KIAA1549: variants seen among roughly 807,000 people sequenced by gnomAD.
KIAA1549 encodes the protein KIAA1549.
Under a neutral mutation model 156.4 loss-of-function variants are expected in KIAA1549, and 70 were observed. The ratio of observed to expected loss-of-function variants is 0.45; its 90% CI spans 0.37 to 0.55. KIAA1549 has a LOEUF of 0.55. Ranked by LOEUF, KIAA1549 falls within the 20% of genes least tolerant of loss-of-function variation. The probability of loss-of-function intolerance (pLI) is 0.00; values close to 1 mark genes in which losing one functional copy is unlikely to be tolerated. For missense variants in KIAA1549, 2,428 were observed against 2,540.9 expected (o/e 0.96, Z 0.96); for synonymous variants, 1,103 against 1,066.4 (o/e 1.03, Z -0.67).
chr7:138,837,168 C>T lies in KIAA1549; in HGVS notation c.*738G>A, dbSNP rs1003304377. The T allele has an allele frequency of 8.9e-5, 20 of 225,836 alleles. No homozygotes were observed. Among genetic ancestry groups the T allele is most frequent in the Admixed American group, 2.3e-4 (4 of 17,500 alleles). The allele number at this position is 225,836 out of a possible 1,614,324, so 14.0% of individuals were successfully genotyped here. On this transcript the variant is annotated 3_prime_UTR_variant, in exon 20 of 20. Transcript: ENST00000422774. Reference sequence around the variant, plus strand: ...CAAATAAATATAAAGCTTTTTGCCCCACTTTGGGAGGGATTTTTTTTTTCT... The same window carrying T: ...CAAATAAATATAAAGCTTTTTGCCCTACTTTGGGAGGGATTTTTTTTTTCT...
At chr7:138,846,586 T>G (rs1810082607) in intron 17 of KIAA1549, among the ~76,000 whole-genome samples, 1 of 150,426 alleles carries the variant, frequency 6.6e-6, no homozygotes, top group African/African-American at 2.4e-5. Flanking sequence ...CACCCACCAT[T>G]GCTTTTGCAC....
chr7:138,893,943 C>G (rs1321115792), intron 10 of KIAA1549, among the ~76,000 whole-genome samples: 1 of 152,280 alleles, frequency 6.6e-6, no homozygotes, highest in Non-Finnish European at 1.5e-5. Context: ...TGGTGGCACA[C>G]GCCTGTAATC....
Position 138,837,709 on chromosome 7 carries a change from G to T in KIAA1549, c.*197C>A. ...TATTTCAACTGAACCCAAGTGTTCA[G>T]ACAATTGCCAGCCCAGTGAAAGGCT... On this transcript the variant is annotated 3_prime_UTR_variant, in exon 20 of 20. Coordinates refer to ENST00000422774, the MANE Select transcript of KIAA1549 (RefSeq NM_001164665.2). 1.6e-6 allele frequency: 1 copy of T among 618,302 alleles called. No individual in the cohort carries two copies. Among genetic ancestry groups the T allele is most frequent in the Non-Finnish European group, 2.8e-6 (1 of 359,672 alleles). 38.3% of individuals were successfully genotyped at this position (618,302 alleles called of 1,614,324 possible). A position where few individuals can be genotyped will look rare whatever the true frequency, so the allele number is the denominator to read the frequency against.
At chr7:138,948,282 G>C (rs1292621628) in intron 1 of KIAA1549, among the ~76,000 whole-genome samples, 1 of 152,194 alleles carries the variant, frequency 6.6e-6, no homozygotes, top group East Asian at 1.9e-4. Flanking sequence ...CGGACACAGA[G>C]ACAGACACAC....
chr7:138,859,271 A>G (rs1810486034), intron 16 of KIAA1549, among the ~76,000 whole-genome samples: 1 of 151,954 alleles, frequency 6.6e-6, no homozygotes, highest in Non-Finnish European at 1.5e-5. Flanking sequence ...CTACCCTTCC[A>G]GCCTCATTTA....
At chr7:138,949,459 T>TG (rs1282283991) in intron 1 of KIAA1549, among the ~76,000 whole-genome samples, 2 of 152,174 alleles carry the variant, frequency 1.3e-5, no homozygotes, top group African/African-American at 4.8e-5. Flanking sequence ...CAGTATTTTT[T>TG]TAAAGTAAAT....
chr7:138,897,529 T>C (rs1294671249), intron 9 of KIAA1549, among the ~76,000 whole-genome samples: 1 of 152,174 alleles, frequency 6.6e-6, no homozygotes, highest in East Asian at 1.9e-4. Flanking sequence ...AACATTTACC[T>C]CTCCTTTTAT....
Position 138,833,650 on chromosome 7 carries a change from T to C in KIAA1549, c.*4256A>G. ...GGTAGCAGTAAAGAAGCTGAATATA[T>C]ATATAGATAGATAGACAGATACATA... is the stretch of plus-strand genomic sequence containing the variant. On this transcript the variant is annotated 3_prime_UTR_variant, in exon 20 of 20. Transcript: ENST00000422774. 1 of 231,696 alleles carries C rather than the reference T, an allele frequency of 4.3e-6. No homozygotes were observed. The highest frequency in any genetic ancestry group is 8.5e-6 in the Non-Finnish European group (1 of 117,670). 14.4% of individuals were successfully genotyped at this position (231,696 alleles called of 1,614,324 possible).
intron 1 of KIAA1549, among the ~76,000 whole-genome samples, chr7:138,955,455 A>C (rs677614): frequency 0.43 from 64,956 of 152,008 alleles, 17,250 homozygotes; most frequent in African/African-American, 0.76. Flanking sequence ...AGAAGGGTGG[A>C]TGCCAGGGGA....
In KIAA1549 at chr7:138,831,934, G is replaced by C. The variant is rs1348269141; in HGVS notation, c.*5972C>G. 2 of 232,952 alleles carry C rather than the reference G, an allele frequency of 8.6e-6. No individual in the cohort carries two copies. The highest frequency in any genetic ancestry group is 1.7e-5 in the Non-Finnish European group (2 of 117,940). The allele number at this position is 232,952 out of a possible 1,614,324, so 14.4% of individuals were successfully genotyped here. A position where few individuals can be genotyped will look rare whatever the true frequency, so the allele number is the denominator to read the frequency against. Reference sequence around the variant, plus strand: ...TAGAGCAACTGAATGAATGGGTGGAGCCTCAGTTCCTCTAGTATCTCCCTC... The same window carrying C: ...TAGAGCAACTGAATGAATGGGTGGACCCTCAGTTCCTCTAGTATCTCCCTC... On this transcript the variant is annotated 3_prime_UTR_variant, in exon 20 of 20. Coordinates refer to ENST00000422774, the MANE Select transcript of KIAA1549 (RefSeq NM_001164665.2).
At position 138,871,325 on chromosome 7, in the gene KIAA1549, T is replaced by G. The variant is rs762749887; in HGVS notation, c.4383A>C (p.Ser1461=). The change falls in exon 13 of 20, where the codon TCA becomes TCC. Residue 1461 remains serine (S), a synonymous_variant. Transcript: ENST00000422774. ...PLPSSGNEQH[S]SASIFEHVDR... ...CCACGTGCTCGAAGATGGAGGCTGA[T>G]GAGTGCTGCTCATTTCCCGAACTGG... 1.3e-6 allele frequency: 2 copies of G among 1,595,344 alleles called. No individual in the cohort carries two copies. The highest frequency in any genetic ancestry group is 1.7e-5 in the Admixed American group (1 of 57,950).
intron 10 of KIAA1549, among the ~76,000 whole-genome samples, chr7:138,883,087 C>A (rs6979419): frequency 0.97 from 113,688 of 117,438 alleles, 54,969 homozygotes; most frequent in Middle Eastern, 0.99. Flanking sequence ...CCCCATCTCC[C>A]CTAAAAAAAA....
chr7:138,914,965 T>C (rs776971456), intron 2 of KIAA1549, among the ~76,000 whole-genome samples: 5 of 152,206 alleles, frequency 3.3e-5, no homozygotes, highest in Non-Finnish European at 7.3e-5. Flanking sequence ...GTACCTACTT[T>C]GTAATAATTT....
intron 9 of KIAA1549, among the ~76,000 whole-genome samples, chr7:138,896,415 TG>T (rs1318951691): frequency 6.6e-6 from 1 of 152,166 alleles, no homozygotes; most frequent in Non-Finnish European, 1.5e-5. Flanking sequence ...ACAGGCTGCA[TG>T]GGATGTGGTA....
chr7:138,875,698 T>G (rs1039930767), intron 12 of KIAA1549, among the ~76,000 whole-genome samples: 1 of 152,136 alleles, frequency 6.6e-6, no homozygotes, highest in Admixed American at 6.5e-5. Context: ...CAAAGCAGAA[T>G]GAAAGAGAAT....
In KIAA1549 at chr7:138,917,170, T is replaced by C. The variant is rs1812354807; in HGVS notation, c.2456A>G (p.Asp819Gly). ...TPPDDQISAL[D>G]GHVSVLASFS... Reference sequence around the variant, plus strand: ...AGAGGCCAGGACAGACACGTGACCGTCTAGAGCACTGATTTGGTCGTCAGG... The same window carrying C: ...AGAGGCCAGGACAGACACGTGACCGCCTAGAGCACTGATTTGGTCGTCAGG... The change falls in exon 2 of 20, where the codon GAC becomes GGC. Residue 819 changes from aspartate to glycine, a missense_variant. This residue lies in a region of KIAA1549 where 762 missense variants were observed against 901.6 expected (regional missense o/e 0.85). Coordinates refer to ENST00000422774, the MANE Select transcript of KIAA1549 (RefSeq NM_001164665.2). 6.2e-7 allele frequency: 1 copy of C among 1,613,900 alleles called. No individual in the cohort carries two copies. The highest frequency in any genetic ancestry group is 8.5e-7 in the Non-Finnish European group (1 of 1,179,880).
chr7:138,947,508 G>A (rs1813371515), intron 1 of KIAA1549, among the ~76,000 whole-genome samples: 1 of 152,042 alleles, frequency 6.6e-6, no homozygotes, highest in Non-Finnish European at 1.5e-5. Flanking sequence ...AAATTCCCAA[G>A]CACACCTCCA....
chr7:138,946,507 C>T (rs988494501), intron 1 of KIAA1549, among the ~76,000 whole-genome samples: 3 of 152,138 alleles, frequency 2.0e-5, no homozygotes, highest in South Asian at 2.1e-4. Context: ...TGGCCGGGCA[C>T]GGTGGCTCAC....
intron 8 of KIAA1549, among the ~76,000 whole-genome samples, chr7:138,900,203 T>C (rs1455436754): frequency 6.6e-6 from 1 of 152,178 alleles, no homozygotes; most frequent in East Asian, 1.9e-4. Context: ...ATCAGCAATT[T>C]CACGATTTCA....
Sources: gnomAD v4.1 joint callset for allele counts (sites outside exome capture counted in the v4.1 genomes callset) on GRCh38, gnomAD v4.1.1 for gene constraint, gnomAD v4.1.1 regional missense constraint, MANE v1.5 for transcripts, NCBI Gene and HGNC (gene_info 2026-07-23, HGNC 2026-07-21) for gene names.